ANO3: variants seen among roughly 807,000 people sequenced by gnomAD.
The protein encoded by ANO3 is anoctamin-3.
A neutral mutation model predicts 144.8 loss-of-function variants in ANO3; 99 were observed. The ratio of observed to expected loss-of-function variants is 0.68; its 90% confidence interval spans 0.58 to 0.81. The LOEUF (loss-of-function observed/expected upper bound fraction) is 0.81, where lower values mean the gene tolerates loss of function less well. Among genes scored for constraint, ANO3 ranks in the 30% least tolerant of loss-of-function variants. The pLI is 0.00. For missense variants in ANO3, 905 were observed against 1,202.2 expected (o/e 0.75, Z 3.66); for synonymous variants, 414 against 392.6 (o/e 1.05, Z -0.64).
chr11:26,194,588 C>T (rs1056457243), intron 1 of ANO3, among the ~76,000 whole-genome samples: 1 of 151,674 alleles, frequency 6.6e-6, no homozygotes, highest in Non-Finnish European at 1.5e-5. Context: ...GCAATCTCTG[C>T]CTCCCGGGTG....
At chr11:26,572,341 G>A in intron 14 of ANO3, 3 of 689,738 alleles carry the variant, frequency 4.3e-6, no homozygotes, top group Non-Finnish European at 5.4e-6. Context: ...GATCGTTTTA[G>A]CTTTGGGACA....
chr11:26,289,905 G>A (rs140878152), intron 1 of ANO3, among the ~76,000 whole-genome samples: 3,246 of 151,842 alleles, frequency 0.021, 60 homozygotes, highest in East Asian at 0.12. Flanking sequence ...ATCTCTGCCA[G>A]GCTTTGGTGT....
At chr11:26,257,291 T>C (rs945671920) in intron 1 of ANO3, among the ~76,000 whole-genome samples, 6 of 152,106 alleles carry the variant, frequency 3.9e-5, no homozygotes, top group African/African-American at 1.4e-4. Context: ...TATTTTATAC[T>C]CATTTTTATA....
intron 1 of ANO3, among the ~76,000 whole-genome samples, chr11:26,401,202 C>T (rs1857138686): frequency 6.6e-6 from 1 of 152,010 alleles, no homozygotes; most frequent in Non-Finnish European, 1.5e-5. Context: ...GATTCTCAGT[C>T]ATGGAAGTGG....
intron 26 of ANO3, among the ~76,000 whole-genome samples, chr11:26,659,138 A>G (rs908300452): frequency 6.6e-6 from 1 of 150,534 alleles, no homozygotes; most frequent in African/African-American, 2.4e-5. Flanking sequence ...GTATATGTAT[A>G]TTGTGTATGT....
chr11:26,311,746 C>T (rs903153429), intron 1 of ANO3, among the ~76,000 whole-genome samples: 1 of 152,172 alleles, frequency 6.6e-6, no homozygotes, highest in African/African-American at 2.4e-5. Flanking sequence ...GTCTTTCTGT[C>T]TTAATTTAAG....
chr11:26,559,739 T>C lies in ANO3; in HGVS notation c.1407T>C (p.Asn469=), dbSNP rs756121296. 6.2e-5 allele frequency: 100 copies of C among 1,612,180 alleles called. No homozygotes were observed. The highest frequency in any genetic ancestry group is 8.3e-5 in the Non-Finnish European group (98 of 1,178,640). ...CTCAGGTGACATATTTGTTCGATAA[T>C]GGAGGGACAGTCTTCTTTGCTATTT... ...IYAKVTYLFD[N]GGTVFFAIFM... is the part of the protein sequence containing the mutation. The change falls in exon 14 of 27, where the codon AAT becomes AAC. Residue 469 remains asparagine, a synonymous_variant. Transcript: ENST00000256737.
intron 18 of ANO3, among the ~76,000 whole-genome samples, chr11:26,624,829 A>G (rs1265711782): frequency 6.6e-6 from 1 of 152,212 alleles, no homozygotes; most frequent in African/African-American, 2.4e-5. Flanking sequence ...ACTTTTTAAA[A>G]GCCAAAACAA....
chr11:26,446,191 G>A (rs1032306652), intron 3 of ANO3, among the ~76,000 whole-genome samples: 1 of 152,234 alleles, frequency 6.6e-6, no homozygotes, highest in Middle Eastern at 3.4e-3. Flanking sequence ...AATCATCTTT[G>A]AAAAGAAATC....
At chr11:26,474,759 A>G (rs1049902276) in intron 4 of ANO3, among the ~76,000 whole-genome samples, 11 of 151,902 alleles carry the variant, frequency 7.2e-5, no homozygotes, top group African/African-American at 2.7e-4. Flanking sequence ...CCATTTCTAC[A>G]TCTATGTTAA....
upstream of ANO3, among the ~76,000 whole-genome samples, chr11:26,328,823 C>A (rs1854957342): frequency 6.6e-6 from 1 of 151,898 alleles, no homozygotes; most frequent in South Asian, 2.1e-4. Flanking sequence ...AGGATAAAAT[C>A]AACACATATC....
At chr11:26,235,980 C>A (rs1289873801) in intron 1 of ANO3, among the ~76,000 whole-genome samples, 1 of 152,004 alleles carries the variant, frequency 6.6e-6, no homozygotes, top group Admixed American at 6.6e-5. Context: ...TCTTTTTGCA[C>A]AAATGAGCAA....
chr11:26,645,248 A>AT (rs1853307961), intron 23 of ANO3, among the ~76,000 whole-genome samples: 1 of 151,684 alleles, frequency 6.6e-6, no homozygotes, highest in Non-Finnish European at 1.5e-5. Context: ...TGCTTAATCA[A>AT]TTTTTCCAAA....
At chr11:26,269,121 C>T (rs1426776114) in intron 1 of ANO3, among the ~76,000 whole-genome samples, 3 of 152,166 alleles carry the variant, frequency 2.0e-5, no homozygotes, top group African/African-American at 7.2e-5. Flanking sequence ...AACGGCTCTC[C>T]ACAAACAAGA....
chr11:26,539,529 A>C (rs964580639), intron 10 of ANO3, among the ~76,000 whole-genome samples: 5 of 152,100 alleles, frequency 3.3e-5, no homozygotes, highest in Admixed American at 3.3e-4. Flanking sequence ...TGGGAAGACA[A>C]TTTTGGGCCT....
At chr11:26,210,196 C>G (rs1424962843) in intron 1 of ANO3, among the ~76,000 whole-genome samples, 1 of 152,178 alleles carries the variant, frequency 6.6e-6, no homozygotes, top group Non-Finnish European at 1.5e-5. Flanking sequence ...TTTCATTTCT[C>G]TGCATATGGC....
intron 1 of ANO3, among the ~76,000 whole-genome samples, chr11:26,288,364 G>A (rs1216415576): frequency 6.6e-6 from 1 of 152,298 alleles, no homozygotes; most frequent in Non-Finnish European, 1.5e-5. Context: ...TAGAGTCCAT[G>A]TCAGCTGGCA....
Position 26,542,078 on chromosome 11 carries a change from A to G in ANO3, c.1154+10A>G. The G allele has an allele frequency of 4.4e-6, 7 of 1,605,386 alleles. No individual in the cohort carries two copies. Among genetic ancestry groups the G allele is most frequent in the Non-Finnish European group, 4.2e-6 (5 of 1,176,532 alleles). On this transcript the variant is annotated intron_variant, in intron 11 of 26. Transcript: ENST00000256737. Reference sequence around the variant, plus strand: ...CTCTGGATTTAATCAGGTACTGCAAATGGAACAATAATGAAAAGCAAAGTA... The same window carrying G: ...CTCTGGATTTAATCAGGTACTGCAAGTGGAACAATAATGAAAAGCAAAGTA...
At chr11:26,379,655 TC>T (rs1336116847) in intron 1 of ANO3, among the ~76,000 whole-genome samples, 4 of 151,904 alleles carry the variant, frequency 2.6e-5, no homozygotes, top group African/African-American at 9.7e-5. Flanking sequence ...GAACTGGGTA[TC>T]ATGGCATGCA....
Sources: allele counts gnomAD v4.1 joint callset (sites outside exome capture counted in the v4.1 genomes callset), GRCh38; gene constraint gnomAD v4.1.1; transcripts MANE v1.5; gene names NCBI Gene and HGNC (gene_info 2026-07-23, HGNC 2026-07-21).